Variants in TMEM132A observed in about 807,000 individuals in gnomAD.
The protein encoded by TMEM132A is transmembrane protein 132A.
Under a neutral mutation model 69.9 loss-of-function variants are expected in TMEM132A, and 48 were observed. That is an observed-to-expected ratio of 0.69 (90% CI 0.55 to 0.87). The LOEUF (loss-of-function observed/expected upper bound fraction) is 0.87. TMEM132A is among the 40% of genes least tolerant of loss of function. The pLI is 0.00. For synonymous variants in TMEM132A, 577 were observed against 613.7 expected, an observed-to-expected ratio of 0.94 and a Z score of 0.88; for missense variants, 1,287 against 1,407.2, an observed-to-expected ratio of 0.91 and a Z score of 1.37.
In TMEM132A at chr11:60,927,401, C is replaced by A; in HGVS notation, c.298C>A (p.Pro100Thr). 2 of 1,612,740 alleles carry A rather than the reference C, an allele frequency of 1.2e-6. No individual in the cohort carries two copies. Among genetic ancestry groups the A allele is most frequent in the Non-Finnish European group, 1.7e-6 (2 of 1,179,494 alleles). Residue 100 changes from proline to threonine, a missense_variant, in exon 2 of 11, where the codon CCT becomes ACT. By Grantham distance (38) the Pro-to-Thr change is conservative (BLOSUM62 -1). Coordinates refer to ENST00000453848, the MANE Select transcript of TMEM132A (RefSeq NM_178031.3). ...GCCACTTCTCCGGGCCTCCTACCCA[C>A]CTTTTGCCACTCAGCAGGTAAGGAG... ...AQPLLRASYP[P>T]FATQQVVPPR...
chr11:60,928,637 G>T lies in TMEM132A; in HGVS notation c.543G>T (p.Leu181=). The change falls in exon 4 of 11, where the codon CTG becomes CTT. Residue 181 remains leucine, a synonymous_variant. Transcript: ENST00000453848. ...AHQACRFQPS[L]GACVVELELP... Reference sequence around the variant, plus strand: ...CTGTCGTGTCTTCACAGCCATCCCTGGGCGCCTGCGTGGTGGAGCTGGAGC... The same window carrying T: ...CTGTCGTGTCTTCACAGCCATCCCTTGGCGCCTGCGTGGTGGAGCTGGAGC... 6.2e-7 allele frequency: 1 copy of T among 1,608,362 alleles called. No individual in the cohort carries two copies.
chr11:60,925,426 G>A (rs1251887846), intron 1 of TMEM132A: 1 of 152,456 alleles, frequency 6.6e-6, no homozygotes, highest in African/African-American at 2.4e-5. Context: ...CCCACCGAGA[G>A]AGCCGAGCGC....
Position 60,927,222 on chromosome 11 carries a change from C to T in TMEM132A, c.119C>T (p.Pro40Leu), listed in dbSNP as rs1308687436. ...DVVRVDCGQA[P>L]LDPVYLPAAL... ...TCTTCAGTGGACTGTGGCCAGGCTCCCCTGGACCCTGTCTACCTGCCGGCA... is the reference window on the plus strand; with the variant it reads ...TCTTCAGTGGACTGTGGCCAGGCTCTCCTGGACCCTGTCTACCTGCCGGCA... Residue 40 changes from proline (P) to leucine (L), a missense_variant, in exon 2 of 11, where the codon CCC (proline) becomes CTC (leucine). Physicochemically the swap from Pro to Leu is moderately conservative, Grantham distance 98. Coordinates refer to ENST00000453848, the MANE Select transcript of TMEM132A (RefSeq NM_178031.3). 4.3e-6 allele frequency: 7 copies of T among 1,613,282 alleles called. No homozygotes were observed. The highest frequency in any genetic ancestry group is 5.9e-6 in the Non-Finnish European group (7 of 1,179,984).
chr11:60,936,136 C>G lies in TMEM132A; in HGVS notation c.2301C>G (p.Pro767=). The change falls in exon 11 of 11, where the codon CCC becomes CCG. Residue 767 remains proline, a synonymous_variant. Coordinates refer to ENST00000453848, the MANE Select transcript of TMEM132A (RefSeq NM_178031.3). ...CTGGCACCGCCTGGCTGGGGCTGCC[C>G]CCTGCCTCCACTCCAGCCCCTGCTC... ...LASGTAWLGL[P]PASTPAPALP... is the part of the protein sequence containing the mutation. 3 of 1,613,726 alleles carry G rather than the reference C, an allele frequency of 1.9e-6. No homozygotes were observed. In the South Asian group the frequency reaches 3.3e-5, roughly 18 times the overall value.
chr11:60,924,836 C>T, intron 1 of TMEM132A, 103 bp downstream of exon 1: 5 of 861,454 alleles, frequency 5.8e-6, no homozygotes, highest in Non-Finnish European at 8.5e-6. Context: ...GGACTGAACC[C>T]TGAGCGGGGT....
In TMEM132A at chr11:60,924,699, C is replaced by T. The variant is rs1471433446; in HGVS notation, c.66C>T (p.Cys22=). ...APRGPYGPWL[C]LLVALALDVV... is the part of the protein sequence containing the mutation. ...GGGGGCCCTACGGCCCCTGGCTCTG[C>T]CTCCTGGTGGCCCTCGCCCTGGACG... Residue 22 remains cysteine (C), a synonymous_variant, in exon 1 of 11, where the codon TGC becomes TGT. Coordinates refer to ENST00000453848, the MANE Select transcript of TMEM132A (RefSeq NM_178031.3). The T allele has an allele frequency of 6.3e-7, 1 of 1,589,584 alleles. No individual in the cohort carries two copies. Among genetic ancestry groups the T allele is most frequent in the Non-Finnish European group, 8.5e-7 (1 of 1,175,004 alleles).
chr11:60,936,309 C>G lies in TMEM132A; in HGVS notation c.2474C>G (p.Ala825Gly). The G allele has an allele frequency of 6.2e-7, 1 of 1,613,788 alleles. No individual in the cohort carries two copies. Among genetic ancestry groups the G allele is most frequent in the Non-Finnish European group, 8.5e-7 (1 of 1,179,764 alleles). Residue 825 changes from alanine (A) to glycine (G), a missense_variant, in exon 11 of 11, where the codon GCC (alanine) becomes GGC (glycine). Coordinates refer to ENST00000453848, the MANE Select transcript of TMEM132A (RefSeq NM_178031.3). The part of the protein sequence containing the change: ...EEEARKEETE[A>G]REEEEEEEEE... ...GAGGCCAGGAAGGAGGAGACCGAAG[C>G]CAGGGAGGAGGAGGAGGAAGAGGAG...
chr11:60,934,635 T>G lies in TMEM132A; in HGVS notation c.1707T>G (p.Leu569=). 2.5e-6 allele frequency: 4 copies of G among 1,592,438 alleles called. No individual in the cohort carries two copies. Among genetic ancestry groups the G allele is most frequent in the Non-Finnish European group, 3.4e-6 (4 of 1,177,152 alleles). ...GCGGCCGCCGCCTCACGCACCTGCT[T>G]GGCCCCGACTGGCTGCTAGACGTGT... is the stretch of plus-strand genomic sequence containing the variant. The part of the protein sequence containing the change: ...LDGGRRLTHL[L]GPDWLLDVSH... The change falls in exon 9 of 11, where the codon CTT becomes CTG. Residue 569 remains leucine (L), a synonymous_variant. Transcript: ENST00000453848.
chr11:60,933,801 G>A, intron 8 of TMEM132A, 57 bp downstream of exon 8: 1 of 1,471,354 alleles, frequency 6.8e-7, no homozygotes, highest in Non-Finnish European at 9.2e-7. Flanking sequence ...GGGACGGAGA[G>A]GGCGCAGGGG....
chr11:60,929,348 C>T (rs909362364), intron 4 of TMEM132A, among the ~76,000 whole-genome samples: 9 of 152,226 alleles, frequency 5.9e-5, no homozygotes, highest in Non-Finnish European at 1.0e-4. Flanking sequence ...GCCCCAATCA[C>T]GTTCACCTAC....
At chr11:60,928,008 C>T in intron 3 of TMEM132A, 149 bp downstream of exon 3, 1 of 669,772 alleles carries the variant, frequency 1.5e-6, no homozygotes, top group South Asian at 1.9e-5. Flanking sequence ...GCTTTCAGTG[C>T]TGTGAAAAGG....
Position 60,927,661 on chromosome 11 carries a change from T to C in TMEM132A, c.336T>C (p.Thr112=), listed in dbSNP as rs772988359. 6.8e-6 allele frequency: 11 copies of C among 1,612,246 alleles called. No homozygotes were observed. Among genetic ancestry groups the C allele is most frequent in the Non-Finnish European group, 9.3e-6 (11 of 1,179,752 alleles). The change falls in exon 3 of 11, where the codon ACT becomes ACC. Residue 112 remains threonine (T), a synonymous_variant. Coordinates refer to ENST00000453848, the MANE Select transcript of TMEM132A (RefSeq NM_178031.3). Reference sequence around the variant, plus strand: ...TCCAGGTGGTCCCCCCTCGAGTCACTGAGCCCCACCAACGGCCAGTCCCAT... The same window carrying C: ...TCCAGGTGGTCCCCCCTCGAGTCACCGAGCCCCACCAACGGCCAGTCCCAT... The part of the protein sequence containing the change: ...ATQQVVPPRV[T]EPHQRPVPWD...
In TMEM132A at chr11:60,934,687, G is replaced by A. The variant is rs762480999; in HGVS notation, c.1759G>A (p.Val587Met). ...VSHLVAPHAR[V>M]LDSRVASLEG... is the part of the protein sequence containing the mutation. ...CCACCTCGTGGCGCCACACGCCCGC[G>A]TGCTGGACTCGCGTGTAGCCTCTCT... is the stretch of plus-strand genomic sequence containing the variant. The change falls in exon 9 of 11, where the codon GTG (valine) becomes ATG (methionine). Residue 587 changes from valine to methionine, a missense_variant. Physicochemically the swap from Val to Met is conservative, Grantham distance 21. Transcript: ENST00000453848. 9 of 1,604,714 alleles carry A rather than the reference G, an allele frequency of 5.6e-6. No homozygotes were observed. Among genetic ancestry groups the A allele is most frequent in the African/African-American group, 2.7e-5 (2 of 74,930 alleles).
intron 8 of TMEM132A, chr11:60,934,268 C>T: frequency 2.3e-6 from 1 of 430,566 alleles, no homozygotes; most frequent in African/African-American, 2.1e-5. Flanking sequence ...GGAGCAAGAG[C>T]GGTGATCGAG....
Position 60,936,370 on chromosome 11 carries a change from G to A in TMEM132A, c.2535G>A (p.Glu845=). Residue 845 remains glutamate, a synonymous_variant, in exon 11 of 11, where the codon GAG becomes GAA. Transcript: ENST00000453848. The stretch of plus-strand genomic sequence containing the variant: ...TCCCTGCCCCTCAGCATGTCACTGA[G>A]CTAGAGCTGGGCATGTACGCCCTGC... ...EMVPAPQHVT[E]LELGMYALLG... 1 of 1,614,182 alleles carries A rather than the reference G, an allele frequency of 6.2e-7. No individual in the cohort carries two copies. Among genetic ancestry groups the A allele is most frequent in the Non-Finnish European group, 8.5e-7 (1 of 1,180,022 alleles).
Position 60,927,396 on chromosome 11 carries a change from A to C in TMEM132A, c.293A>C (p.Tyr98Ser). The change falls in exon 2 of 11, where the codon TAC (tyrosine) becomes TCC (serine). Residue 98 changes from tyrosine (Y) to serine (S), a missense_variant. Transcript: ENST00000453848. Reference sequence around the variant, plus strand: ...GCCCAGCCACTTCTCCGGGCCTCCTACCCACCTTTTGCCACTCAGCAGGTA... The same window carrying C: ...GCCCAGCCACTTCTCCGGGCCTCCTCCCCACCTTTTGCCACTCAGCAGGTA... ...PRAQPLLRASYPPFATQQVVP... is the reference protein window; with the variant it reads ...PRAQPLLRASSPPFATQQVVP... 1.9e-6 allele frequency: 3 copies of C among 1,612,618 alleles called. No individual in the cohort carries two copies. The highest frequency in any genetic ancestry group is 1.7e-6 in the Non-Finnish European group (2 of 1,179,544).
chr11:60,933,823 G>A, intron 8 of TMEM132A, 79 bp downstream of exon 8: 1 of 1,347,234 alleles, frequency 7.4e-7, no homozygotes, highest in Non-Finnish European at 1.0e-6. Context: ...CACAGCCATG[G>A]GCCCAAGTCG....
intron 4 of TMEM132A, among the ~76,000 whole-genome samples, chr11:60,929,734 G>A (rs1856434104): frequency 6.6e-6 from 1 of 152,154 alleles, no homozygotes; most frequent in Non-Finnish European, 1.5e-5. Flanking sequence ...TTCAAGCCCT[G>A]CCTGGGTTTG....
At position 60,924,498 on chromosome 11, in the gene TMEM132A, G is replaced by T; in HGVS notation, c.-136G>T. ...CATTGTCTGGGAATTGCAGCCGCGG[G>T]GCGGGCGGCGGCGGCGGCGGCGGCG... On this transcript the variant is annotated 5_prime_UTR_variant, in exon 1 of 11. Transcript: ENST00000453848. 2.1e-6 allele frequency: 1 copy of T among 473,568 alleles called. No individual in the cohort carries two copies. The highest frequency in any genetic ancestry group is 3.3e-6 in the Non-Finnish European group (1 of 300,062). 29.3% of individuals were successfully genotyped at this position (473,568 alleles called of 1,614,324 possible).
Sources: gnomAD v4.1 joint callset for allele counts (sites outside exome capture counted in the v4.1 genomes callset) on GRCh38, gnomAD v4.1.1 for gene constraint, MANE v1.5 for transcripts, NCBI Gene and HGNC (gene_info 2026-07-23, HGNC 2026-07-21) for gene names.